Variants in COG6 observed in about 807,000 individuals in gnomAD.
COG6 encodes component of oligomeric golgi complex 6, also known as conserved oligomeric Golgi complex subunit 6.
COG6 carries 74 observed loss-of-function variants against 88.8 expected under a neutral mutation model. That is an observed-to-expected ratio of 0.83 (90% CI 0.69 to 1.01). The LOEUF is 1.01. Among genes scored for constraint, COG6 ranks in the 50% least tolerant of loss-of-function variants. COG6 has a pLI of 0.00. For missense variants in COG6, 800 were observed against 797.9 expected (o/e 1.00, Z -0.03); for synonymous variants, 286 against 278.7 (o/e 1.03, Z -0.26).
intron 18 of COG6, among the ~76,000 whole-genome samples, chr13:39,785,955 G>A (rs919586271): frequency 3.3e-5 from 5 of 152,102 alleles, no homozygotes; most frequent in African/African-American, 1.2e-4. Context: ...TCAATGCCCT[G>A]GGATACAAAT....
intron 18 of COG6, among the ~76,000 whole-genome samples, chr13:39,750,497 G>A (rs568213285): frequency 6.6e-6 from 1 of 152,294 alleles, no homozygotes; most frequent in South Asian, 2.1e-4. Flanking sequence ...TGTAAAAGCT[G>A]TAAGGTGAAA....
intron 8 of COG6, among the ~76,000 whole-genome samples, chr13:39,684,243 A>ATTTTTTTTTTTTTTTTTTTTTTTTTTTT (rs1203671335): frequency 3.0e-5 from 2 of 67,390 alleles, no homozygotes; most frequent in Non-Finnish European, 5.1e-5. Context: ...AATTTGGAAG[A>ATTTTTTTTTTTTTTTTTTTTTTTTTTTT]TTTTTTTTTT....
chr13:39,782,411 G>C (rs1389583640), intron 18 of COG6, among the ~76,000 whole-genome samples: 1 of 152,244 alleles, frequency 6.6e-6, no homozygotes, highest in African/African-American at 2.4e-5. Flanking sequence ...CAGCAAAAGA[G>C]TTTAATTTCT....
chr13:39,727,646 A>G, intron 18 of COG6, 98 bp downstream of exon 18: 1 of 907,158 alleles, frequency 1.1e-6, no homozygotes, highest in Non-Finnish European at 1.8e-6. Flanking sequence ...AGAATAAATG[A>G]TTTACCATTG....
At chr13:39,736,639 C>G (rs950119453) in intron 18 of COG6, among the ~76,000 whole-genome samples, 1 of 152,230 alleles carries the variant, frequency 6.6e-6, no homozygotes, top group African/African-American at 2.4e-5. Flanking sequence ...TACGGTGAGC[C>G]GAGATCGTGC....
rs747128146 is a variant in COG6, at chr13:39,751,193, T to C, written c.*100T>C. On this transcript the variant is annotated 3_prime_UTR_variant, in exon 19 of 19. Coordinates refer to ENST00000455146, the MANE Select transcript of COG6 (RefSeq NM_020751.3). ...TTACTCTATAATTTGATAGTTACAG[T>C]TTTCTTTGTATCATAAGATTGTAAG... The C allele has an allele frequency of 1.6e-5, 24 of 1,542,128 alleles. No individual in the cohort carries two copies. The African/African-American group carries it at 2.8e-4, about 18-fold the overall frequency.
At chr13:39,759,360 C>G (rs917479853) in intron 18 of COG6, among the ~76,000 whole-genome samples, 2 of 152,032 alleles carry the variant, frequency 1.3e-5, no homozygotes, top group Non-Finnish European at 2.9e-5. Flanking sequence ...TTCCTTGAAC[C>G]TGGTGATAGT....
At chr13:39,665,234 GAATT>G in intron 4 of COG6, 80 bp downstream of exon 4, 1 of 773,272 alleles carries the variant, frequency 1.3e-6, no homozygotes, top group East Asian at 2.5e-5. Context: ...CTCCAAATCA[GAATT>G]AAAGCAGAAT....
intron 13 of COG6, among the ~76,000 whole-genome samples, chr13:39,713,305 G>A (rs1878339909): frequency 6.6e-6 from 1 of 152,128 alleles, no homozygotes; most frequent in African/African-American, 2.4e-5. Flanking sequence ...AAATAACAAA[G>A]CCCACTTAAT....
intron 17 of COG6, 101 bp from the exon 18 acceptor site, chr13:39,727,368 A>G (rs1879186352): frequency 2.2e-6 from 2 of 891,574 alleles, no homozygotes; most frequent in African/African-American, 3.3e-5. Flanking sequence ...AGAGTATGGA[A>G]TTTTTCTCAA....
Position 39,750,991 on chromosome 13 carries a change from T to C in COG6, c.1872T>C (p.Tyr624=). 1 of 1,613,694 alleles carries C rather than the reference T, an allele frequency of 6.2e-7. No homozygotes were observed. Among genetic ancestry groups the C allele is most frequent in the South Asian group, 1.1e-5 (1 of 91,072 alleles). Residue 624 remains tyrosine (Y), a synonymous_variant, in exon 19 of 19, where the codon TAT becomes TAC. Transcript: ENST00000455146. ...KQSTELVCRA[Y]GEVYAAVMNP... ...CTACAGAATTAGTCTGCAGAGCCTA[T>C]GGTGAAGTGTATGCAGCCGTGATGA...
chr13:39,657,660 T>C (rs932348215), intron 1 of COG6, among the ~76,000 whole-genome samples: 1 of 149,848 alleles, frequency 6.7e-6, no homozygotes, highest in Non-Finnish European at 1.5e-5. Context: ...AAATAACAAA[T>C]AGAAACATGA....
intron 18 of COG6, among the ~76,000 whole-genome samples, chr13:39,763,239 C>A (rs7337585): frequency 6.6e-6 from 1 of 151,148 alleles, no homozygotes; most frequent in East Asian, 1.9e-4. Flanking sequence ...TAATTGTAAG[C>A]GTTATTTGTG....
At chr13:39,733,108 A>T (rs1326778197) in intron 18 of COG6, among the ~76,000 whole-genome samples, 1 of 152,088 alleles carries the variant, frequency 6.6e-6, no homozygotes, top group Non-Finnish European at 1.5e-5. Flanking sequence ...AGTGAAATAA[A>T]TGTTTTGAAA....
At chr13:39,771,400 G>A (rs1881315120) in intron 18 of COG6, among the ~76,000 whole-genome samples, 1 of 152,206 alleles carries the variant, frequency 6.6e-6, no homozygotes, top group South Asian at 2.1e-4. Flanking sequence ...GAGTTATAGT[G>A]AGGGGTAACT....
At chr13:39,659,888 T>C (rs566747628) in intron 2 of COG6, among the ~76,000 whole-genome samples, 20 of 152,334 alleles carry the variant, frequency 1.3e-4, no homozygotes, top group African/African-American at 4.1e-4. Context: ...ACTTTTACTA[T>C]ATCCTAAAAT....
chr13:39,705,813 C>T (rs867427737), intron 13 of COG6, among the ~76,000 whole-genome samples: 14 of 152,086 alleles, frequency 9.2e-5, no homozygotes, highest in Admixed American at 3.9e-4. Context: ...ATCTCAGGTC[C>T]TGCTCCAGAC....
chr13:39,750,870 G>A, intron 18 of COG6, 76 bp from the exon 19 acceptor site: 1 of 1,122,752 alleles, frequency 8.9e-7, no homozygotes, highest in East Asian at 2.5e-5. Flanking sequence ...TGATTGAAGT[G>A]TCAAGCTGTC....
At chr13:39,732,792 A>G (rs1424406008) in intron 18 of COG6, among the ~76,000 whole-genome samples, 5 of 152,208 alleles carry the variant, frequency 3.3e-5, no homozygotes, top group African/African-American at 1.2e-4. Context: ...GTATAATTAG[A>G]TATCATAGTG....
Sources: allele counts gnomAD v4.1 joint callset (sites outside exome capture counted in the v4.1 genomes callset), GRCh38; gene constraint gnomAD v4.1.1; transcripts MANE v1.5; gene names NCBI Gene and HGNC (gene_info 2026-07-23, HGNC 2026-07-21).